DENND4A: variants seen among roughly 807,000 people sequenced by gnomAD.
DENND4A encodes C-myc promoter-binding protein.
DENND4A carries 70 observed loss-of-function variants against 199.3 expected under a neutral mutation model. The ratio of observed to expected loss-of-function variants is 0.35; its 90% CI spans 0.29 to 0.43. The LOEUF (loss-of-function observed/expected upper bound fraction) is 0.43. Among genes scored for constraint, DENND4A ranks in the 20% least tolerant of loss-of-function variants. The pLI is 1.00. For missense variants in DENND4A, 1,723 were observed against 2,255.8 expected (o/e 0.76, Z 4.78); for synonymous variants, 686 against 766.9 (o/e 0.89, Z 1.74).
At chr15:65,734,717 A>T (rs2076063611) in intron 7 of DENND4A, among the ~76,000 whole-genome samples, 1 of 152,192 alleles carries the variant, frequency 6.6e-6, no homozygotes, top group African/African-American at 2.4e-5. Flanking sequence ...AACAGAAGAA[A>T]ACAAAGTGTG....
intron 23 of DENND4A, among the ~76,000 whole-genome samples, 168 bp downstream of exon 23, chr15:65,690,247 T>A (rs2076925322): frequency 6.6e-6 from 1 of 152,166 alleles, no homozygotes; most frequent in Non-Finnish European, 1.5e-5. Context: ...TTCTTTTCTT[T>A]GAAGTTATTA....
At chr15:65,718,171 T>C (rs1410875122) in intron 12 of DENND4A, among the ~76,000 whole-genome samples, 175 bp from the exon 13 acceptor site, 3 of 152,148 alleles carry the variant, frequency 2.0e-5, no homozygotes, top group Non-Finnish European at 2.9e-5. Context: ...TAGTCTCCGT[T>C]GAGTAAATTT....
chr15:65,783,025 G>A (rs1220308520), intron 1 of DENND4A, among the ~76,000 whole-genome samples: 2 of 148,534 alleles, frequency 1.3e-5, no homozygotes, highest in African/African-American at 5.0e-5. Flanking sequence ...TAAAGCTAAA[G>A]ATCTTTAGTT....
intron 23 of DENND4A, among the ~76,000 whole-genome samples, chr15:65,686,566 T>C (rs1341962471): frequency 6.6e-6 from 1 of 152,186 alleles, no homozygotes; most frequent in African/African-American, 2.4e-5. Flanking sequence ...CTGTTTCTTA[T>C]AATCAATATT....
At chr15:65,711,678 A>G (rs1390899591) in intron 14 of DENND4A, among the ~76,000 whole-genome samples, 1 of 152,340 alleles carries the variant, frequency 6.6e-6, no homozygotes, top group East Asian at 1.9e-4. Flanking sequence ...TCATGGTTAC[A>G]TGGAAATACA....
chr15:65,781,745 A>G (rs1407390758), intron 1 of DENND4A, among the ~76,000 whole-genome samples: 3 of 152,220 alleles, frequency 2.0e-5, no homozygotes, highest in Non-Finnish European at 2.9e-5. Flanking sequence ...AAAGATACTG[A>G]TGCTGGAAAA....
At chr15:65,712,948 T>C (rs2075292251) in intron 14 of DENND4A, among the ~76,000 whole-genome samples, 1 of 152,164 alleles carries the variant, frequency 6.6e-6, no homozygotes, top group African/African-American at 2.4e-5. Context: ...CTTCTTCCCT[T>C]AATCTTTGAG....
In DENND4A at chr15:65,738,458, G is replaced by A. The variant is rs140065187; in HGVS notation, c.801+248C>T. ...TCAAAGCTTCTTTATCACAGAAAAT[G>A]AATAAATGAAGGATCATCATTTGAT... On this transcript the variant is annotated intron_variant, in intron 6 of 32. Transcript: ENST00000443035. Among the ~76,000 whole-genome samples, 220 of 152,138 alleles carry A rather than the reference G, an allele frequency of 1.4e-3. 1 individual carries two copies. The highest frequency in any genetic ancestry group is 4.8e-3 in the African/African-American group (199 of 41,514).
intron 23 of DENND4A, among the ~76,000 whole-genome samples, chr15:65,687,466 G>A (rs1417357544): frequency 6.6e-6 from 1 of 150,522 alleles, no homozygotes; most frequent in Non-Finnish European, 1.5e-5. Context: ...CATTTATTTT[G>A]CATTTATTTT....
At chr15:65,692,789 T>C (rs1331906551) in intron 22 of DENND4A, among the ~76,000 whole-genome samples, 1 of 152,174 alleles carries the variant, frequency 6.6e-6, no homozygotes, top group Non-Finnish European at 1.5e-5. Context: ...AGGAATCTTG[T>C]AACCAAAAGA....
chr15:65,785,088 T>C (rs899999167), intron 1 of DENND4A, among the ~76,000 whole-genome samples: 1 of 151,108 alleles, frequency 6.6e-6, no homozygotes, highest in African/African-American at 2.4e-5. Flanking sequence ...GAGCCACCAC[T>C]GCACTCCAGC....
At chr15:65,788,201 C>T (rs900703737) in intron 1 of DENND4A, among the ~76,000 whole-genome samples, 13 of 151,926 alleles carry the variant, frequency 8.6e-5, no homozygotes, top group Non-Finnish European at 1.5e-4. Context: ...CTCAGCCTCC[C>T]GAGTAGCTGG....
intron 13 of DENND4A, among the ~76,000 whole-genome samples, chr15:65,717,205 G>A (rs1347575436): frequency 6.6e-6 from 1 of 151,584 alleles, no homozygotes; most frequent in Non-Finnish European, 1.5e-5. Context: ...CCAATGCCTA[G>A]CATTCGGAGG....
intron 27 of DENND4A, among the ~76,000 whole-genome samples, chr15:65,668,777 C>T (rs1438791938): frequency 6.6e-6 from 1 of 151,218 alleles, no homozygotes; most frequent in East Asian, 2.0e-4. Flanking sequence ...GCCAAGATTG[C>T]ACCACTGTAC....
Position 65,660,404 on chromosome 15 carries a change from C to A in DENND4A, c.*1447G>T. 3 of 1,058,914 alleles carry A rather than the reference C, an allele frequency of 2.8e-6. No individual in the cohort carries two copies. In the South Asian group the frequency reaches 4.1e-5, roughly 15 times the overall value. The allele number at this position is 1,058,914 out of a possible 1,614,324, so 65.6% of individuals were successfully genotyped here. A position where few individuals can be genotyped will look rare whatever the true frequency, so the allele number is the denominator to read the frequency against. On this transcript the variant is annotated 3_prime_UTR_variant, in exon 33 of 33. Coordinates refer to ENST00000443035, the MANE Select transcript of DENND4A (RefSeq NM_001320835.1). ...TCCAAGATACCTCCAGTCCAAGTGT[C>A]GTGGACTCTACTGGCTTTATACACC...
At chr15:65,741,652 T>G (rs1304917995) in intron 5 of DENND4A, 63 bp downstream of exon 5, 12 of 1,435,782 alleles carry the variant, frequency 8.4e-6, no homozygotes, top group Non-Finnish European at 9.7e-6. Flanking sequence ...TTTCTTTACT[T>G]TAACCTTTCC....
chr15:65,791,075 A>G (rs1336118651), intron 1 of DENND4A, among the ~76,000 whole-genome samples: 2 of 152,134 alleles, frequency 1.3e-5, no homozygotes, highest in African/African-American at 2.4e-5. Flanking sequence ...AATACATTTT[A>G]AAGAATAACA....
Position 65,717,966 on chromosome 15 carries a change from A to G in DENND4A, c.1619T>C (p.Met540Thr). Residue 540 changes from methionine to threonine, a missense_variant, in exon 13 of 33, where the codon ATG becomes ACG. Met to Thr is a moderately conservative substitution (Grantham distance 81, BLOSUM62 -1). Transcript: ENST00000443035. ...LQQRPRDDGL[M>T]DLAINDYDFN... ...ATCATAGTCATTTATTGCTAAATCC[A>G]TGAGTCCATCATCTCTCGGTCTCTG... The G allele has an allele frequency of 1.2e-6, 2 of 1,606,370 alleles. No individual in the cohort carries two copies. Among genetic ancestry groups the G allele is most frequent in the Non-Finnish European group, 1.7e-6 (2 of 1,175,950 alleles).
At chr15:65,721,778 A>G (rs1209444646) in intron 12 of DENND4A, among the ~76,000 whole-genome samples, 1 of 151,916 alleles carries the variant, frequency 6.6e-6, no homozygotes, top group Non-Finnish European at 1.5e-5. Flanking sequence ...GGAGTCAAAT[A>G]CTGCTATACC....
Sources: allele counts gnomAD v4.1 joint callset (sites outside exome capture counted in the v4.1 genomes callset), GRCh38; gene constraint gnomAD v4.1.1; transcripts MANE v1.5; gene names NCBI Gene and HGNC (gene_info 2026-07-23, HGNC 2026-07-21).